Variants in EIF4E observed in about 807,000 individuals in gnomAD.
EIF4E encodes the protein eIF-4F 25 kDa subunit.
For synonymous variants in EIF4E, 71 were observed against 88.5 expected (o/e 0.80, Z 1.11); for missense variants, 113 against 265.6 (o/e 0.43, Z 3.99).
chr4:98,899,530 G>C (rs1724559509), intron 2 of EIF4E, among the ~76,000 whole-genome samples: 1 of 152,090 alleles, frequency 6.6e-6, no homozygotes, highest in Non-Finnish European at 1.5e-5. Flanking sequence ...TTGTTAAAGG[G>C]TAATCTTTGT....
intron 1 of EIF4E, among the ~76,000 whole-genome samples, chr4:98,913,988 T>C (rs1192739037): frequency 1.3e-5 from 2 of 151,970 alleles, no homozygotes; most frequent in East Asian, 1.9e-4. Flanking sequence ...GCACTAAACA[T>C]GTTTGTAAAA....
intron 1 of EIF4E, among the ~76,000 whole-genome samples, chr4:98,912,087 T>C (rs1416102117): frequency 1.3e-5 from 2 of 151,516 alleles, no homozygotes; most frequent in Admixed American, 6.6e-5. Flanking sequence ...ACCCCATCTC[T>C]ACCAAAAACA....
chr4:98,917,804 G>A (rs1368200208), intron 1 of EIF4E, among the ~76,000 whole-genome samples: 2 of 152,236 alleles, frequency 1.3e-5, no homozygotes, highest in Non-Finnish European at 1.5e-5. Context: ...GGCCAGGCGT[G>A]ATGGCTCACA....
intron 1 of EIF4E, chr4:98,926,663 A>C (rs1725882248): frequency 6.6e-6 from 1 of 152,242 alleles, no homozygotes; most frequent in Non-Finnish European, 1.5e-5. Context: ...CTACTCCCCA[A>C]ATTTAAACAT....
intron 1 of EIF4E, among the ~76,000 whole-genome samples, chr4:98,902,203 C>G (rs773729592): frequency 3.9e-5 from 6 of 152,146 alleles, no homozygotes; most frequent in Non-Finnish European, 8.8e-5. Context: ...TCCTAAGTAG[C>G]TGGGATTACA....
In EIF4E at chr4:98,887,027, A is replaced by G; in HGVS notation, c.399+52T>C. The G allele has an allele frequency of 6.6e-7, 1 of 1,517,728 alleles. No individual in the cohort carries two copies. Among genetic ancestry groups the G allele is most frequent in the Non-Finnish European group, 9.1e-7 (1 of 1,094,204 alleles). The allele number at this position is 1,517,728 out of a possible 1,614,324, so 94.0% of individuals were successfully genotyped here. On this transcript the variant is annotated intron_variant, in intron 5 of 6. Transcript: ENST00000450253. The surrounding 1 kb of genome is among the most constrained non-coding windows in gnomAD (Gnocchi z 4.0). ...ATGTAAAACATAACATATCTTAAGT[A>G]TCAGTATTCCAAAACTACCTCTAAA... is the stretch of plus-strand genomic sequence containing the variant.
chr4:98,886,420 A>G, intron 5 of EIF4E: 1 of 429,498 alleles, frequency 2.3e-6, no homozygotes, highest in South Asian at 1.7e-5. Context: ...CACTAATCTA[A>G]AAAGTTTAGT....
At chr4:98,896,833 T>C (rs1484548607) in intron 2 of EIF4E, among the ~76,000 whole-genome samples, 1 of 151,914 alleles carries the variant, frequency 6.6e-6, no homozygotes, top group Non-Finnish European at 1.5e-5. Context: ...AAAATGGTGG[T>C]GGTGCATGCC....
chr4:98,911,583 C>A (rs60120090), intron 1 of EIF4E, among the ~76,000 whole-genome samples: 1 of 145,734 alleles, frequency 6.9e-6, no homozygotes, highest in Non-Finnish European at 1.5e-5. Flanking sequence ...ATCGCTTGAA[C>A]CCGGGAGGCA....
chr4:98,902,128 G>A (rs1055260934), intron 1 of EIF4E, 146 bp from the exon 2 acceptor site: 12 of 658,344 alleles, frequency 1.8e-5, no homozygotes, highest in East Asian at 6.1e-5. Context: ...GAGTGCAGTC[G>A]TGCGATCTTG....
At chr4:98,914,587 T>A (rs1011141912) in intron 1 of EIF4E, among the ~76,000 whole-genome samples, 1 of 151,972 alleles carries the variant, frequency 6.6e-6, no homozygotes, top group African/African-American at 2.4e-5. Context: ...TCTAACTCTG[T>A]GACACTCTGG....
intron 1 of EIF4E, among the ~76,000 whole-genome samples, chr4:98,919,094 G>A (rs1430999943): frequency 6.6e-6 from 1 of 152,046 alleles, no homozygotes; most frequent in Non-Finnish European, 1.5e-5. Context: ...AGATCATGAG[G>A]TCAAGAGATC....
Position 98,911,443 on chromosome 4 carries a change from T to C in EIF4E, c.19-9461A>G, listed in dbSNP as rs1725126648. The stretch of plus-strand genomic sequence containing the variant: ...GGGAGGCCGAGGCGGGTGGAGCATC[T>C]GAGGTTGGGAGTTTGAGACCAGCCT... On this transcript the variant is annotated intron_variant, in intron 1 of 6. Transcript: ENST00000450253. Among the ~76,000 whole-genome samples the C allele has an allele frequency of 2.0e-5, 3 of 148,964 alleles. No homozygotes were observed. The South Asian group carries it at 6.3e-4, about 31-fold the overall frequency.
At chr4:98,921,111 A>C (rs1205969568) in intron 1 of EIF4E, among the ~76,000 whole-genome samples, 1 of 152,246 alleles carries the variant, frequency 6.6e-6, no homozygotes, top group Non-Finnish European at 1.5e-5. Flanking sequence ...GTAACACTTA[A>C]GGAACTATGT....
chr4:98,893,037 AG>A (rs1724222504), intron 2 of EIF4E, among the ~76,000 whole-genome samples: 1 of 152,224 alleles, frequency 6.6e-6, no homozygotes, highest in African/African-American at 2.4e-5. Flanking sequence ...ATCACAATAA[AG>A]GAACTATCTT....
At chr4:98,912,607 TA>T (rs1272922988) in intron 1 of EIF4E, among the ~76,000 whole-genome samples, 1 of 151,746 alleles carries the variant, frequency 6.6e-6, no homozygotes, top group Non-Finnish European at 1.5e-5. Context: ...AAAATTTACA[TA>T]CGTTGAACAT....
Position 98,897,213 on chromosome 4 carries a change from C to T in EIF4E, c.125+4663G>A, listed in dbSNP as rs529478078. On this transcript the variant is annotated intron_variant, in intron 2 of 6. Transcript: ENST00000450253. ...ACCAAGACAGTGACACAAAACTATACGAGTAGTCACTGTACATTTATTACT... is the reference window on the plus strand; with the variant it reads ...ACCAAGACAGTGACACAAAACTATATGAGTAGTCACTGTACATTTATTACT... 5.9e-5 allele frequency among the ~76,000 whole-genome samples: 9 copies of T among 152,016 alleles called. No homozygotes were observed. In the South Asian group the frequency reaches 6.2e-4, roughly 10 times the overall value.
chr4:98,882,540 T>C (rs1008165826), intron 6 of EIF4E, among the ~76,000 whole-genome samples: 3 of 152,000 alleles, frequency 2.0e-5, no homozygotes, highest in Admixed American at 2.0e-4. Flanking sequence ...AGGTTTTTTT[T>C]ATACCTTCCA....
In EIF4E at chr4:98,881,949, A is replaced by G. The variant is rs547510495; in HGVS notation, c.540-807T>C. 2.0e-5 allele frequency among the ~76,000 whole-genome samples: 3 copies of G among 152,294 alleles called. No homozygotes were observed. In the East Asian group the frequency reaches 5.8e-4, roughly 29 times the overall value. ...TTCCCCTTTAAATATCACGAGGTCA[A>G]AAGGATAATGTTAAGAGAATGAGCA... On this transcript the variant is annotated intron_variant, in intron 6 of 6. Coordinates refer to ENST00000450253, the MANE Select transcript of EIF4E (RefSeq NM_001968.5).
Sources: gnomAD v4.1 joint callset for allele counts (sites outside exome capture counted in the v4.1 genomes callset) on GRCh38, gnomAD v4.1.1 for gene constraint, Gnocchi (gnomAD v3.1) non-coding constraint, MANE v1.5 for transcripts, NCBI Gene and HGNC (gene_info 2026-07-23, HGNC 2026-07-21) for gene names.